The following RNF150 variants were observed in gnomAD, a reference collection of about 807,000 sequenced individuals.
RNF150 encodes ring finger protein 150.
RNF150 carries 24 observed loss-of-function variants against 39.3 expected under a neutral mutation model. The ratio of observed to expected loss-of-function variants is 0.61; its 90% CI spans 0.44 to 0.86. RNF150 has a LOEUF of 0.86. Ranked by LOEUF, RNF150 falls within the 40% of genes least tolerant of loss-of-function variation. The probability of loss-of-function intolerance (pLI) is 0.00; values close to 1 mark genes in which losing one functional copy is unlikely to be tolerated. For missense variants in RNF150, 502 were observed against 587.8 expected, an observed-to-expected ratio of 0.85 and a Z score of 1.51; for synonymous variants, 255 against 227.3, an observed-to-expected ratio of 1.12 and a Z score of -1.10.
chr4:141,007,238 T>C (rs1364433020), intron 1 of RNF150, among the ~76,000 whole-genome samples: 1 of 152,222 alleles, frequency 6.6e-6, no homozygotes, highest in African/African-American at 2.4e-5. Context: ...TAGAGATTTA[T>C]TGAACATTCA....
intron 1 of RNF150, among the ~76,000 whole-genome samples, chr4:141,192,231 AG>A (rs1010938821): frequency 3.4e-4 from 52 of 152,130 alleles, no homozygotes; most frequent in African/African-American, 1.2e-3. Context: ...TCCATTCCTA[AG>A]GTAATAATCT....
Position 140,947,743 on chromosome 4 carries a change from C to A in RNF150, c.808-7G>T. 1 of 1,580,702 alleles carries A rather than the reference C, an allele frequency of 6.3e-7. No individual in the cohort carries two copies. The highest frequency in any genetic ancestry group is 1.2e-5 in the South Asian group (1 of 84,924). On this transcript the variant is annotated splice_region_variant and splice_polypyrimidine_tract_variant and intron_variant, in intron 3 of 6. Coordinates refer to ENST00000515673, the MANE Select transcript of RNF150 (RefSeq NM_020724.2). ...CAAAATCAGACTCTGTTTCCTGCAA[C>A]AGAGGAAGCACAGATGAGCCTATTT...
chr4:141,104,657 A>C (rs1248403384), intron 1 of RNF150, among the ~76,000 whole-genome samples: 1 of 152,224 alleles, frequency 6.6e-6, no homozygotes, highest in Non-Finnish European at 1.5e-5. Context: ...TCCCAAATCC[A>C]AATTGGTTGC....
At chr4:140,887,630 A>G (rs750594712) in intron 6 of RNF150, among the ~76,000 whole-genome samples, 3 of 152,170 alleles carry the variant, frequency 2.0e-5, no homozygotes, top group Admixed American at 6.5e-5. Flanking sequence ...TACTGCTTGT[A>G]CAAGTGTCAC....
intron 1 of RNF150, among the ~76,000 whole-genome samples, chr4:141,070,470 G>C (rs1450842938): frequency 6.8e-6 from 1 of 146,436 alleles, no homozygotes; most frequent in East Asian, 2.0e-4. Flanking sequence ...GAAAATTTTC[G>C]CAACCTACTC....
At chr4:141,073,953 A>G (rs1219148833) in intron 1 of RNF150, among the ~76,000 whole-genome samples, 1 of 152,042 alleles carries the variant, frequency 6.6e-6, no homozygotes, top group Non-Finnish European at 1.5e-5. Flanking sequence ...TGGGGAAGCC[A>G]AGCAAGGGGG....
chr4:141,046,698 C>T (rs902680706), intron 1 of RNF150, among the ~76,000 whole-genome samples: 20 of 152,168 alleles, frequency 1.3e-4, no homozygotes, highest in African/African-American at 4.3e-4. Flanking sequence ...AAAGGCAATT[C>T]ATCATGCTCG....
At chr4:141,123,424 T>A (rs1221511919) in intron 1 of RNF150, among the ~76,000 whole-genome samples, 1 of 152,200 alleles carries the variant, frequency 6.6e-6, no homozygotes, top group African/African-American at 2.4e-5. Flanking sequence ...AGCATCTGGT[T>A]CCAGGTTTCC....
At chr4:141,011,921 T>C (rs1334878398) in intron 1 of RNF150, among the ~76,000 whole-genome samples, 1 of 152,250 alleles carries the variant, frequency 6.6e-6, no homozygotes, top group Non-Finnish European at 1.5e-5. Context: ...TTTGGGAGCT[T>C]ATCAAGGGAT....
rs1214507408 is a variant in RNF150 at position 140,930,163 on chromosome 4, AACCAACCAACCAACCC to A, written c.891-4106_891-4091del. On this transcript the variant is annotated intron_variant, in intron 4 of 6. Coordinates refer to ENST00000515673, the MANE Select transcript of RNF150 (RefSeq NM_020724.2). The stretch of plus-strand genomic sequence containing the variant: ...GTGACAGAGCAAGACTCTACCTCAA[AACCAACCAACCAACCC>A]ACCAACCAAACAACCCTGAGGCTTC... Among the ~76,000 whole-genome samples, 7 of 145,438 alleles carry A rather than the reference AACCAACCAACCAACCC, an allele frequency of 4.8e-5. No homozygotes were observed. In the South Asian group the frequency reaches 8.4e-4, roughly 17 times the overall value.
chr4:140,926,957 CTCTT>C (rs1339871201), intron 4 of RNF150, among the ~76,000 whole-genome samples: 5 of 152,210 alleles, frequency 3.3e-5, no homozygotes, highest in Non-Finnish European at 5.9e-5. Flanking sequence ...ATGACTGACT[CTCTT>C]TCTGTACTCC....
chr4:140,913,697 A>G (rs1560962874), intron 5 of RNF150, among the ~76,000 whole-genome samples: 1 of 152,160 alleles, frequency 6.6e-6, no homozygotes, highest in African/African-American at 2.4e-5. Context: ...GTCCCCAAAC[A>G]TTGTAAAGTG....
chr4:141,179,904 A>C (rs1727876997), intron 1 of RNF150, among the ~76,000 whole-genome samples: 1 of 152,166 alleles, frequency 6.6e-6, no homozygotes, highest in Non-Finnish European at 1.5e-5. Flanking sequence ...AGCGTTCTCT[A>C]TCCTGGGACA....
At chr4:140,927,104 A>G (rs12642167) in intron 4 of RNF150, among the ~76,000 whole-genome samples, 84,238 of 152,010 alleles carry the variant, frequency 0.55, 23,831 homozygotes, top group East Asian at 0.89. Context: ...GGGCTCAAAT[A>G]CTTAAAAAGT....
chr4:141,201,112 C>T (rs1173633065), intron 1 of RNF150, among the ~76,000 whole-genome samples: 1 of 152,140 alleles, frequency 6.6e-6, no homozygotes, highest in Admixed American at 6.5e-5. Flanking sequence ...CAATCTTTAC[C>T]AATAATTTCA....
chr4:140,879,625 C>G (rs1202786756), intron 6 of RNF150, among the ~76,000 whole-genome samples: 1 of 152,026 alleles, frequency 6.6e-6, no homozygotes, highest in Non-Finnish European at 1.5e-5. Flanking sequence ...GAGTTCAAGA[C>G]CAGCCTGGGC....
At chr4:141,032,230 A>T (rs1735977000) in intron 1 of RNF150, among the ~76,000 whole-genome samples, 1 of 152,098 alleles carries the variant, frequency 6.6e-6, no homozygotes, top group African/African-American at 2.4e-5. Context: ...AATCTAAAAC[A>T]AGTAGAACTC....
At chr4:140,962,495 C>CAT (rs145375840) in intron 2 of RNF150, among the ~76,000 whole-genome samples, 7,303 of 150,644 alleles carry the variant, frequency 0.048, 551 homozygotes, top group African/African-American at 0.16. Context: ...CACACACACA[C>CAT]ATATATATAT....
intron 1 of RNF150, among the ~76,000 whole-genome samples, chr4:141,200,989 G>A (rs930829620): frequency 6.6e-6 from 1 of 151,860 alleles, no homozygotes; most frequent in Non-Finnish European, 1.5e-5. Flanking sequence ...ATCTCAACTA[G>A]ATTAAACAGT....
Sources: allele counts gnomAD v4.1 joint callset (sites outside exome capture counted in the v4.1 genomes callset), GRCh38; gene constraint gnomAD v4.1.1; transcripts MANE v1.5; gene names NCBI Gene and HGNC (gene_info 2026-07-23, HGNC 2026-07-21).